RARB: variants seen among roughly 807,000 people sequenced by gnomAD.
RARB encodes retinoic acid receptor beta.
Under a neutral mutation model 51.9 loss-of-function variants are expected in RARB, and 17 were observed. The ratio of observed to expected loss-of-function variants is 0.33; its 90% CI spans 0.22 to 0.49. RARB has a LOEUF of 0.49. RARB is among the 20% of genes least tolerant of loss of function. The pLI is 0.99. For synonymous variants in RARB, 215 were observed against 195.4 expected, an observed-to-expected ratio of 1.10 and a Z score of -0.84; for missense variants, 369 against 550.8, an observed-to-expected ratio of 0.67 and a Z score of 3.30.
intron 2 of RARB, among the ~76,000 whole-genome samples, chr3:24,933,701 G>C (rs970431069): frequency 2.0e-5 from 3 of 152,016 alleles, no homozygotes; most frequent in Non-Finnish European, 4.4e-5. Flanking sequence ...TCATAAAATG[G>C]CCACTTTAAC....
chr3:25,036,904 C>G (rs1005337273), intron 2 of RARB, among the ~76,000 whole-genome samples: 1 of 152,140 alleles, frequency 6.6e-6, no homozygotes, highest in East Asian at 1.9e-4. Flanking sequence ...GTTTTTTCTT[C>G]TAACCTATGG....
intron 2 of RARB, among the ~76,000 whole-genome samples, chr3:25,489,609 G>C (rs1320708694): frequency 6.6e-6 from 1 of 152,226 alleles, no homozygotes; most frequent in African/African-American, 2.4e-5. Context: ...ATCAATTGTT[G>C]CACTGTTGTA....
intron 2 of RARB, among the ~76,000 whole-genome samples, chr3:25,030,782 T>C (rs1452696584): frequency 6.6e-6 from 1 of 152,222 alleles, no homozygotes; most frequent in Non-Finnish European, 1.5e-5. Context: ...ATTTACCAAA[T>C]GTGCCTGTCT....
At chr3:25,074,138 G>C (rs889535610) in intron 3 of RARB, among the ~76,000 whole-genome samples, 2 of 152,168 alleles carry the variant, frequency 1.3e-5, no homozygotes, top group African/African-American at 4.8e-5. Context: ...AAATTAAAGT[G>C]TATGTTTTCA....
In RARB at chr3:25,240,063, G is replaced by A. The variant is rs187433668; in HGVS notation, c.178+65488G>A. Among the ~76,000 whole-genome samples the A allele has an allele frequency of 1.5e-3, 222 of 148,326 alleles. 4 individuals carry two copies. The highest frequency in any genetic ancestry group is 2.8e-4 in the Non-Finnish European group (19 of 66,938). On this transcript the variant is annotated intron_variant, in intron 5 of 11. Transcript: ENST00000383772. ...GTTTGTTTGTTTTTTTTTTGTTATCGCTGTTTTGGGTTTGTTTGTTTGTTT... is the reference window on the plus strand; with the variant it reads ...GTTTGTTTGTTTTTTTTTTGTTATCACTGTTTTGGGTTTGTTTGTTTGTTT...
chr3:25,479,737 T>C (rs1016975946), intron 2 of RARB, among the ~76,000 whole-genome samples: 4 of 152,202 alleles, frequency 2.6e-5, no homozygotes, highest in Admixed American at 2.6e-4. Flanking sequence ...ATAAAGGAAG[T>C]GGATTATCAC....
At chr3:25,537,140 A>G (rs1699174911) in intron 3 of RARB, among the ~76,000 whole-genome samples, 1 of 152,174 alleles carries the variant, frequency 6.6e-6, no homozygotes, top group Admixed American at 6.5e-5. Flanking sequence ...AAAGACCCCA[A>G]ACCCACAGGG....
At chr3:25,155,955 T>C in intron 4 of RARB, among the ~76,000 whole-genome samples, 1 of 152,224 alleles carries the variant, frequency 6.6e-6, no homozygotes, top group South Asian at 2.1e-4. Context: ...ATGTATTGGG[T>C]GACCTTTGCC....
At chr3:25,447,493 G>A (rs1417888064) in intron 1 of RARB, among the ~76,000 whole-genome samples, 1 of 152,200 alleles carries the variant, frequency 6.6e-6, no homozygotes, top group African/African-American at 2.4e-5. Context: ...GTCCCTGGCA[G>A]GTGCTCAATA....
At chr3:24,952,240 A>G (rs1470653344) in intron 2 of RARB, among the ~76,000 whole-genome samples, 2 of 136,300 alleles carry the variant, frequency 1.5e-5, no homozygotes, top group African/African-American at 5.8e-5. Flanking sequence ...ACAAAAAGTA[A>G]CATTTGTTTT....
At chr3:24,909,138 T>C (rs1264089352) in intron 2 of RARB, among the ~76,000 whole-genome samples, 1 of 152,158 alleles carries the variant, frequency 6.6e-6, no homozygotes, top group African/African-American at 2.4e-5. Flanking sequence ...ACCAAATCTC[T>C]GAGGTTAAAA....
chr3:25,357,982 G>T (rs973831950), intron 5 of RARB, among the ~76,000 whole-genome samples: 1 of 152,136 alleles, frequency 6.6e-6, no homozygotes, highest in Non-Finnish European at 1.5e-5. Flanking sequence ...GATTGTCTTG[G>T]CTATACAGGC....
intron 2 of RARB, among the ~76,000 whole-genome samples, chr3:24,972,174 C>T (rs1696414509): frequency 6.6e-6 from 1 of 151,990 alleles, no homozygotes; most frequent in South Asian, 2.1e-4. Context: ...CCTCTCGTCA[C>T]CACCAACCTA....
intron 2 of RARB, among the ~76,000 whole-genome samples, chr3:25,478,680 G>A (rs1253816924): frequency 6.6e-6 from 1 of 152,200 alleles, no homozygotes; most frequent in Non-Finnish European, 1.5e-5. Flanking sequence ...TATGGACACA[G>A]GGAGAAAAAG....
chr3:25,580,870 C>T, intron 5 of RARB, 148 bp downstream of exon 5: 1 of 838,548 alleles, frequency 1.2e-6, no homozygotes, highest in East Asian at 2.6e-5. Context: ...GGTGGACTCA[C>T]CTAGCCTCTG....
At chr3:24,886,601 C>T (rs139306501) in intron 2 of RARB, among the ~76,000 whole-genome samples, 4 of 151,964 alleles carry the variant, frequency 2.6e-5, no homozygotes, top group Non-Finnish European at 4.4e-5. Flanking sequence ...CATGCCACCA[C>T]GCCTGGCTAA....
chr3:25,252,888 C>A (rs1409919842), intron 5 of RARB, among the ~76,000 whole-genome samples: 1 of 152,136 alleles, frequency 6.6e-6, no homozygotes, highest in Non-Finnish European at 1.5e-5. Flanking sequence ...GGCACCGTGG[C>A]TTTTACTTTC....
chr3:25,330,121 G>C (rs9816521), intron 5 of RARB, among the ~76,000 whole-genome samples: 29,571 of 151,932 alleles, frequency 0.19, 3,067 homozygotes, highest in African/African-American at 0.26. Flanking sequence ...GCTTCCCCAA[G>C]CCAGCAAGAC....
At chr3:24,940,548 C>G (rs1478555382) in intron 2 of RARB, among the ~76,000 whole-genome samples, 1 of 152,212 alleles carries the variant, frequency 6.6e-6, no homozygotes, top group African/African-American at 2.4e-5. Context: ...TCCTCTCCAT[C>G]CAATTCCTTT....
Sources: gnomAD v4.1 joint callset for allele counts (sites outside exome capture counted in the v4.1 genomes callset) on GRCh38, gnomAD v4.1.1 for gene constraint, MANE v1.5 for transcripts, NCBI Gene and HGNC (gene_info 2026-07-23, HGNC 2026-07-21) for gene names.